ZNF84: variants seen among roughly 807,000 people sequenced by gnomAD.
ZNF84 encodes zinc finger protein HPF2.
In ZNF84, 12 loss-of-function variants were observed where a neutral mutation model predicts 14.8. The observed-to-expected ratio is 0.81, with a 90% CI of 0.52 to 1.31. The LOEUF (loss-of-function observed/expected upper bound fraction) is 1.31. Among genes scored for constraint, ZNF84 ranks in the 50% most tolerant of loss-of-function variants. ZNF84 has a pLI of 0.00. For synonymous variants in ZNF84, 347 were observed against 291.1 expected (o/e 1.19, Z -1.96); for missense variants, 859 against 878.6 (o/e 0.98, Z 0.28).
intron 4 of ZNF84, among the ~76,000 whole-genome samples, chr12:133,054,569 G>C (rs79241848): frequency 1.2e-4 from 18 of 150,190 alleles, no homozygotes; most frequent in Non-Finnish European, 7.4e-5. Flanking sequence ...TGCCTGAATA[G>C]TTTAGATGAA....
At position 133,060,435 on chromosome 12, in the gene ZNF84, G is replaced by GT. The variant is rs1338097921; in HGVS notation, c.*1504dup. On this transcript the variant is annotated 3_prime_UTR_variant, in exon 5 of 5. Transcript: ENST00000539354. ...GGGGTTACCTCCCAATAAACCCATT[G>GT]TAAGTTGAAAACATTGTAAGTCAAA... 2 of 152,188 alleles carry GT rather than the reference G, an allele frequency of 1.3e-5. No homozygotes were observed. Among genetic ancestry groups the GT allele is most frequent in the Non-Finnish European group, 2.9e-5 (2 of 68,018 alleles). 9.4% of individuals were successfully genotyped at this position (152,188 alleles called of 1,614,324 possible). A position where few individuals can be genotyped will look rare whatever the true frequency, so the allele number is the denominator to read the frequency against.
At position 133,058,518 on chromosome 12, in the gene ZNF84, C is replaced by T. The variant is rs1954202122; in HGVS notation, c.1803C>T (p.Cys601=). Residue 601 remains cysteine (C), a synonymous_variant, in exon 5 of 5, where the codon TGC becomes TGT. Coordinates refer to ENST00000539354, the MANE Select transcript of ZNF84 (RefSeq NM_001289971.2). ...RIHTGEKPYE[C]SLCRKAFFEK... is the part of the protein sequence containing the mutation. ...ACACTGGAGAGAAACCCTATGAATGCAGTCTTTGTAGGAAAGCTTTTTTTG... is the reference window on the plus strand; with the variant it reads ...ACACTGGAGAGAAACCCTATGAATGTAGTCTTTGTAGGAAAGCTTTTTTTG... 1 of 1,614,094 alleles carries T rather than the reference C, an allele frequency of 6.2e-7. No individual in the cohort carries two copies. The highest frequency in any genetic ancestry group is 8.5e-7 in the Non-Finnish European group (1 of 1,179,994).
At chr12:133,047,276 G>A (rs1953999314) in intron 2 of ZNF84, among the ~76,000 whole-genome samples, 1 of 152,014 alleles carries the variant, frequency 6.6e-6, no homozygotes, top group African/African-American at 2.4e-5. Context: ...TACAGGTAGA[G>A]CTTGGGAAGC....
At position 133,058,013 on chromosome 12, in the gene ZNF84, G is replaced by A; in HGVS notation, c.1298G>A (p.Cys433Tyr). 1 of 1,613,860 alleles carries A rather than the reference G, an allele frequency of 6.2e-7. No individual in the cohort carries two copies. The change falls in exon 5 of 5, where the codon TGC becomes TAC. Residue 433 changes from cysteine (C) to tyrosine (Y), a missense_variant. Transcript: ENST00000539354. ...CATACAGGAGAGAAACCTCATGGATGCATTCAGTGTGGGAAGGCCTTCTCC... is the reference window on the plus strand; with the variant it reads ...CATACAGGAGAGAAACCTCATGGATACATTCAGTGTGGGAAGGCCTTCTCC... Reference protein sequence around the residue: ...RTHTGEKPHGCIQCGKAFSQK... With the variant: ...RTHTGEKPHGYIQCGKAFSQK...
At chr12:133,052,873 T>A (rs1954096078) in intron 4 of ZNF84, among the ~76,000 whole-genome samples, 1 of 152,170 alleles carries the variant, frequency 6.6e-6, no homozygotes, top group South Asian at 2.1e-4. Flanking sequence ...CCAAAAGGAA[T>A]GATAAATAAC....
Position 133,058,697 on chromosome 12 carries a change from G to A in ZNF84, c.1982G>A (p.Gly661Asp). Reference protein sequence around the residue: ...GEKPFECSECGKAFSRKSHLI... With the variant: ...GEKPFECSECDKAFSRKSHLI... ...AAGCCTTTTGAATGCAGTGAGTGTG[G>A]CAAAGCTTTCTCTCGGAAGTCACAC... Residue 661 changes from glycine to aspartate, a missense_variant, in exon 5 of 5, where the codon GGC (glycine) becomes GAC (aspartate). Physicochemically the swap from Gly to Asp is moderately conservative, Grantham distance 94. Coordinates refer to ENST00000539354, the MANE Select transcript of ZNF84 (RefSeq NM_001289971.2). 6.2e-7 allele frequency: 1 copy of A among 1,613,852 alleles called. No individual in the cohort carries two copies. The highest frequency in any genetic ancestry group is 8.5e-7 in the Non-Finnish European group (1 of 1,179,930).
intron 4 of ZNF84, among the ~76,000 whole-genome samples, chr12:133,049,488 G>GT (rs1215730366): frequency 2.7e-4 from 40 of 150,538 alleles, no homozygotes; most frequent in African/African-American, 5.9e-4. Flanking sequence ...TGTTTTTTTT[G>GT]TTTTTTTTGT....
chr12:133,040,749 G>T (rs1953872702), intron 1 of ZNF84: 1 of 152,008 alleles, frequency 6.6e-6, no homozygotes, highest in Non-Finnish European at 1.5e-5. Flanking sequence ...CCAAACATCA[G>T]CAGAATTATA....
intron 2 of ZNF84, among the ~76,000 whole-genome samples, chr12:133,045,059 T>C (rs1953955891): frequency 6.6e-6 from 1 of 152,236 alleles, no homozygotes; most frequent in Non-Finnish European, 1.5e-5. Context: ...TTAAGTAAAC[T>C]TATGCTGTAT....
intron 4 of ZNF84, among the ~76,000 whole-genome samples, chr12:133,049,451 C>T (rs1018855687): frequency 2.0e-5 from 3 of 151,932 alleles, no homozygotes; most frequent in Non-Finnish European, 2.9e-5. Flanking sequence ...GATTAGACAC[C>T]ATGAAGTATA....
chr12:133,044,375 G>A (rs1206740855), intron 2 of ZNF84, among the ~76,000 whole-genome samples: 2 of 150,320 alleles, frequency 1.3e-5, no homozygotes, highest in Non-Finnish European at 3.0e-5. Context: ...CGCTGGTCTG[G>A]AACTCCTGGC....
rs1954294769 is a variant in ZNF84 at position 133,063,224 on chromosome 12, C to T, written c.*4292C>T. The stretch of plus-strand genomic sequence containing the variant: ...GTCTTCATGTTCAGGTCCACCTCTG[C>T]CCTTTTCATGTCTTGATTGTTGAAT... On this transcript the variant is annotated 3_prime_UTR_variant, in exon 5 of 5. Transcript: ENST00000539354. 4.3e-6 allele frequency: 3 copies of T among 702,238 alleles called. No individual in the cohort carries two copies. Among genetic ancestry groups the T allele is most frequent in the Admixed American group, 4.0e-5 (2 of 49,988 alleles). The allele number at this position is 702,238 out of a possible 1,614,324, so 43.5% of individuals were successfully genotyped here. A position where few individuals can be genotyped will look rare whatever the true frequency, so the allele number is the denominator to read the frequency against.
chr12:133,041,249 A>AT (rs1953881917), intron 1 of ZNF84, 29 bp from the exon 2 acceptor site: 2 of 553,386 alleles, frequency 3.6e-6, no homozygotes, highest in African/African-American at 1.9e-5. Flanking sequence ...CAATGTGAAT[A>AT]TACCAGTTGA....
At chr12:133,037,926 C>T (rs1183971639) in intron 1 of ZNF84, 1 of 152,280 alleles carries the variant, frequency 6.6e-6, no homozygotes, top group African/African-American at 2.4e-5. Flanking sequence ...AGCAGCCTGG[C>T]TCTGCCGCTA....
intron 1 of ZNF84, chr12:133,041,001 A>C (rs2178072): frequency 1.9e-5 from 3 of 159,040 alleles, no homozygotes; most frequent in African/African-American, 7.2e-5. Context: ...GTTTTTCCTA[A>C]CAGCACCTGT....
chr12:133,051,982 T>C (rs991722922), intron 4 of ZNF84, among the ~76,000 whole-genome samples: 3 of 152,176 alleles, frequency 2.0e-5, no homozygotes, highest in African/African-American at 4.8e-5. Flanking sequence ...ATTAGCGATA[T>C]ATATTTCCTG....
chr12:133,062,992 C>T lies in ZNF84; in HGVS notation c.*4060C>T. ...TATAATCATTGCATGTTTTATCTTT[C>T]CCACTAGAAAGCTTCTAGAAAGCTA... is the stretch of plus-strand genomic sequence containing the variant. On this transcript the variant is annotated 3_prime_UTR_variant, in exon 5 of 5. Coordinates refer to ENST00000539354, the MANE Select transcript of ZNF84 (RefSeq NM_001289971.2). 1.5e-6 allele frequency: 1 copy of T among 651,340 alleles called. No individual in the cohort carries two copies. Among genetic ancestry groups the T allele is most frequent in the Non-Finnish European group, 2.8e-6 (1 of 361,562 alleles). 40.3% of individuals were successfully genotyped at this position (651,340 alleles called of 1,614,324 possible).
At position 133,044,965 on chromosome 12, in the gene ZNF84, A is replaced by G. The variant is rs1285439587; in HGVS notation, c.16-2990A>G. On this transcript the variant is annotated intron_variant, in intron 2 of 4. Coordinates refer to ENST00000539354, the MANE Select transcript of ZNF84 (RefSeq NM_001289971.2). ...GTCTTAAGTTGTCAAGTATGTTGGCATAAGTTTGTAATATCTTTTTAACAG... is the reference window on the plus strand; with the variant it reads ...GTCTTAAGTTGTCAAGTATGTTGGCGTAAGTTTGTAATATCTTTTTAACAG... Among the ~76,000 whole-genome samples, 6 of 152,198 alleles carry G rather than the reference A, an allele frequency of 3.9e-5. No individual in the cohort carries two copies. The East Asian group carries it at 1.2e-3, about 29-fold the overall frequency.
At position 133,061,751 on chromosome 12, in the gene ZNF84, A is replaced by G. The variant is rs1954268446; in HGVS notation, c.*2819A>G. 1 of 152,208 alleles carries G rather than the reference A, an allele frequency of 6.6e-6. No homozygotes were observed. The highest frequency in any genetic ancestry group is 1.5e-5 in the Non-Finnish European group (1 of 68,036). The allele number at this position is 152,208 out of a possible 1,614,324, so 9.4% of individuals were successfully genotyped here. On this transcript the variant is annotated 3_prime_UTR_variant, in exon 5 of 5. Transcript: ENST00000539354. ...ATTAGCCTATTGATTGCCCAAGAAC[A>G]AACATTTTTTTCTAAATGTCAGGTG...
Sources: allele counts gnomAD v4.1 joint callset (sites outside exome capture counted in the v4.1 genomes callset), GRCh38; gene constraint gnomAD v4.1.1; transcripts MANE v1.5; gene names NCBI Gene and HGNC (gene_info 2026-07-23, HGNC 2026-07-21).